Variants in LRRFIP1 observed in about 807,000 individuals in gnomAD.
The protein encoded by LRRFIP1 is leucine-rich repeat flightless-interacting protein 1.
Under a neutral mutation model 104.4 loss-of-function variants are expected in LRRFIP1, and 62 were observed. That is an observed-to-expected ratio of 0.59 (90% CI 0.48 to 0.73). LRRFIP1 has a LOEUF of 0.73. LRRFIP1 is among the 30% of genes least tolerant of loss of function. The pLI is 0.00. For missense variants in LRRFIP1, 796 were observed against 824.5 expected, an observed-to-expected ratio of 0.97 and a Z score of 0.42; for synonymous variants, 300 against 299.0, an observed-to-expected ratio of 1.00 and a Z score of -0.03.
intron 13 of LRRFIP1, 128 bp from the exon 14 acceptor site, chr2:237,751,072 C>A: frequency 1.6e-6 from 1 of 611,604 alleles, no homozygotes; most frequent in South Asian, 2.2e-5. Flanking sequence ...TCCCTTAACG[C>A]TTAATAAAAT....
chr2:237,756,295 T>C, intron 16 of LRRFIP1, 108 bp downstream of exon 16: 3 of 709,982 alleles, frequency 4.2e-6, no homozygotes, highest in Non-Finnish European at 6.9e-6. Context: ...ATACACAGCA[T>C]GGCTTAAACA....
At chr2:237,681,268 T>C (rs2091782240) in intron 1 of LRRFIP1, among the ~76,000 whole-genome samples, 1 of 152,248 alleles carries the variant, frequency 6.6e-6, no homozygotes, top group Non-Finnish European at 1.5e-5. Context: ...AAAGCAATGT[T>C]TACAACTCCC....
intron 15 of LRRFIP1, among the ~76,000 whole-genome samples, chr2:237,754,685 TGAA>T (rs1259530502): frequency 6.6e-6 from 1 of 152,194 alleles, no homozygotes; most frequent in African/African-American, 2.4e-5. Context: ...AGTTGGAAGC[TGAA>T]GAACATTTTA....
At chr2:237,747,362 G>A (rs950347020) in intron 11 of LRRFIP1, among the ~76,000 whole-genome samples, 5 of 152,186 alleles carry the variant, frequency 3.3e-5, no homozygotes, top group African/African-American at 9.7e-5. Context: ...GGGACCGGAT[G>A]GTGAGGGCAG....
At chr2:237,687,132 A>G (rs1455757817) in intron 1 of LRRFIP1, among the ~76,000 whole-genome samples, 7 of 152,134 alleles carry the variant, frequency 4.6e-5, no homozygotes, top group Non-Finnish European at 7.3e-5. Flanking sequence ...GGCTGAGGAG[A>G]CCTGGGTTGA....
At chr2:237,779,129 G>A (rs910927420) in intron 23 of LRRFIP1, among the ~76,000 whole-genome samples, 3 of 152,084 alleles carry the variant, frequency 2.0e-5, no homozygotes, top group East Asian at 1.9e-4. Context: ...CAGGGGAATC[G>A]CTTGAACCCG....
chr2:237,692,805 C>G (rs920904343), intron 1 of LRRFIP1, among the ~76,000 whole-genome samples: 2 of 152,282 alleles, frequency 1.3e-5, no homozygotes, highest in African/African-American at 4.8e-5. Flanking sequence ...GGGCTGCAGA[C>G]AGGCTCTGAC....
intron 1 of LRRFIP1, chr2:237,692,541 G>A (rs1436897479): frequency 6.7e-7 from 1 of 1,501,764 alleles, no homozygotes; most frequent in East Asian, 2.7e-5. Flanking sequence ...AAGCGCTTCC[G>A]AAACTTTCTT....
chr2:237,665,584 A>G (rs1018458160), intron 1 of LRRFIP1, among the ~76,000 whole-genome samples: 4 of 152,258 alleles, frequency 2.6e-5, no homozygotes, highest in African/African-American at 9.6e-5. Context: ...TGCCAAAAAC[A>G]ACTACAAAAA....
chr2:237,759,917 A>C (rs1474624345), intron 18 of LRRFIP1, 147 bp from the exon 19 acceptor site: 1 of 639,782 alleles, frequency 1.6e-6, no homozygotes, highest in East Asian at 2.8e-5. Context: ...AATATTTACG[A>C]GTGCTGCACC....
intron 11 of LRRFIP1, among the ~76,000 whole-genome samples, chr2:237,748,157 A>G (rs1313608280): frequency 6.6e-6 from 1 of 152,208 alleles, no homozygotes; most frequent in African/African-American, 2.4e-5. Flanking sequence ...GGGACGTCCA[A>G]ATGAGGACAA....
intron 19 of LRRFIP1, 88 bp downstream of exon 19, chr2:237,760,293 C>A: frequency 1.4e-6 from 2 of 1,422,252 alleles, no homozygotes; most frequent in East Asian, 2.3e-5. Flanking sequence ...GAGCCACCGT[C>A]GCTGATGGGT....
intron 6 of LRRFIP1, 115 bp from the exon 7 acceptor site, chr2:237,723,433 A>AT: frequency 9.6e-7 from 1 of 1,046,130 alleles, no homozygotes; most frequent in Non-Finnish European, 1.4e-6. Flanking sequence ...GGAAAAATGC[A>AT]TTTTTGTTAA....
At chr2:237,692,587 C>A in intron 1 of LRRFIP1, 1 of 1,432,772 alleles carries the variant, frequency 7.0e-7, no homozygotes, top group South Asian at 1.4e-5. Context: ...GCTTCCAGCT[C>A]GTTCCGAGGT....
chr2:237,770,028 C>T (rs772841810), intron 20 of LRRFIP1, 36 bp downstream of exon 20: 3 of 1,553,380 alleles, frequency 1.9e-6, no homozygotes, highest in South Asian at 2.3e-5. Flanking sequence ...GGTTCATGAA[C>T]AGGGCACCTG....
chr2:237,733,976 C>T (rs775346980), intron 9 of LRRFIP1, among the ~76,000 whole-genome samples, 158 bp downstream of exon 9: 48 of 152,246 alleles, frequency 3.2e-4, no homozygotes, highest in Non-Finnish European at 6.6e-4. Flanking sequence ...ATGTCTGTCC[C>T]CTTTGGCCAG....
At chr2:237,660,711 A>C (rs12995190) in intron 1 of LRRFIP1, among the ~76,000 whole-genome samples, 20,433 of 152,254 alleles carry the variant, frequency 0.13, 1,876 homozygotes, top group Non-Finnish European at 0.21. Context: ...ACCTGTTGCC[A>C]TCCATACAAG....
At chr2:237,768,401 A>G (rs1423140692) in intron 19 of LRRFIP1, 2 of 152,380 alleles carry the variant, frequency 1.3e-5, no homozygotes, top group East Asian at 1.9e-4. Context: ...GAAGAAAACA[A>G]TAACAATTGT....
chr2:237,683,197 G>A (rs1298224580), intron 1 of LRRFIP1, among the ~76,000 whole-genome samples: 1 of 152,262 alleles, frequency 6.6e-6, no homozygotes, highest in East Asian at 1.9e-4. Flanking sequence ...CACCAACGGG[G>A]TGGAGACAAG....
Sources: allele counts gnomAD v4.1 joint callset (sites outside exome capture counted in the v4.1 genomes callset), GRCh38; gene constraint gnomAD v4.1.1; transcripts MANE v1.5; gene names NCBI Gene and HGNC (gene_info 2026-07-23, HGNC 2026-07-21).